SRD5A1: variants seen among roughly 807,000 people sequenced by gnomAD.
The protein encoded by SRD5A1 is steroid 5 alpha-reductase 1, also known as 3-oxo-5-alpha-steroid 4-dehydrogenase 1.
A neutral mutation model predicts 28.2 loss-of-function variants in SRD5A1; 22 were observed. The ratio of observed to expected loss-of-function variants is 0.78; its 90% CI spans 0.56 to 1.12. The LOEUF (loss-of-function observed/expected upper bound fraction) is 1.12, where lower values mean the gene tolerates loss of function less well. SRD5A1 is among the 50% of genes most tolerant of loss of function. The probability of loss-of-function intolerance (pLI) is 0.00; values close to 1 mark genes in which losing one functional copy is unlikely to be tolerated. For missense variants in SRD5A1, 300 were observed against 346.7 expected, an observed-to-expected ratio of 0.87 and a Z score of 1.07; for synonymous variants, 151 against 135.0, an observed-to-expected ratio of 1.12 and a Z score of -0.82.
intron 1 of SRD5A1, among the ~76,000 whole-genome samples, chr5:6,635,631 C>T (rs1738161624): frequency 6.6e-6 from 1 of 152,230 alleles, no homozygotes; most frequent in Admixed American, 6.5e-5. Flanking sequence ...CATCTGCGTG[C>T]TCAGTACACA....
intron 3 of SRD5A1, among the ~76,000 whole-genome samples, chr5:6,661,944 C>G (rs1344822570): frequency 6.6e-6 from 1 of 152,196 alleles, no homozygotes; most frequent in East Asian, 1.9e-4. Context: ...CCTCTCTAAA[C>G]ACACTTGAGT....
At chr5:6,662,600 C>T (rs887193963) in intron 3 of SRD5A1, among the ~76,000 whole-genome samples, 1 of 152,134 alleles carries the variant, frequency 6.6e-6, no homozygotes, top group African/African-American at 2.4e-5. Flanking sequence ...TTCACATAGA[C>T]AGGTATTGAT....
intron 2 of SRD5A1, among the ~76,000 whole-genome samples, chr5:6,652,702 G>C (rs1738713898): frequency 6.6e-6 from 1 of 151,712 alleles, no homozygotes. Flanking sequence ...CGAAACTCCA[G>C]CTCTACAAAA....
At chr5:6,659,268 C>T (rs1451996640) in intron 3 of SRD5A1, among the ~76,000 whole-genome samples, 2 of 151,992 alleles carry the variant, frequency 1.3e-5, no homozygotes, top group African/African-American at 2.4e-5. Flanking sequence ...CGCCCGCCAC[C>T]ACGCCTGGCT....
At chr5:6,635,023 T>G (rs1477282732) in intron 1 of SRD5A1, among the ~76,000 whole-genome samples, 1 of 152,222 alleles carries the variant, frequency 6.6e-6, no homozygotes, top group Non-Finnish European at 1.5e-5. Context: ...AAACACTCAC[T>G]TCCCAGAGAG....
chr5:6,654,582 G>T lies in SRD5A1; in HGVS notation c.461-1496G>T, dbSNP rs1054136990. Among the ~76,000 whole-genome samples, 3 of 152,080 alleles carry T rather than the reference G, an allele frequency of 2.0e-5. No individual in the cohort carries two copies. The South Asian group carries it at 6.2e-4, about 32-fold the overall frequency. On this transcript the variant is annotated intron_variant, in intron 2 of 4. Transcript: ENST00000274192. ...AGAGTAGCTGGGATTACAGGCTTGC[G>T]CCATCTTACCTGGTTAATTTTTGTA...
intron 3 of SRD5A1, among the ~76,000 whole-genome samples, chr5:6,661,824 C>T (rs1395597839): frequency 2.0e-5 from 3 of 152,110 alleles, no homozygotes; most frequent in African/African-American, 4.8e-5. Context: ...TGAGCCACTG[C>T]GCCCAGCCTA....
At chr5:6,666,185 T>G (rs1230554049) in intron 4 of SRD5A1, among the ~76,000 whole-genome samples, 2 of 152,142 alleles carry the variant, frequency 1.3e-5, no homozygotes, top group Non-Finnish European at 1.5e-5. Flanking sequence ...TCTCGCTCTG[T>G]CGCCCAGGCT....
chr5:6,655,955 T>C (rs1738818485), intron 2 of SRD5A1, 123 bp from the exon 3 acceptor site: 4 of 710,754 alleles, frequency 5.6e-6, no homozygotes, highest in Non-Finnish European at 7.3e-6. Context: ...CAGTTATGGC[T>C]AATATGTTAC....
chr5:6,649,638 A>G (rs1197225485), intron 1 of SRD5A1, among the ~76,000 whole-genome samples: 1 of 152,174 alleles, frequency 6.6e-6, no homozygotes, highest in Non-Finnish European at 1.5e-5. Context: ...GCCAGAATGC[A>G]CCGTTCCTCC....
intron 1 of SRD5A1, among the ~76,000 whole-genome samples, chr5:6,637,074 T>A (rs138524001): frequency 1.7e-3 from 259 of 152,212 alleles, no homozygotes; most frequent in African/African-American, 5.9e-3. Context: ...CTCCTTCTGA[T>A]CCCAGGGCGC....
At chr5:6,653,725 T>C (rs1005087864) in intron 2 of SRD5A1, among the ~76,000 whole-genome samples, 1 of 152,210 alleles carries the variant, frequency 6.6e-6, no homozygotes, top group Non-Finnish European at 1.5e-5. Context: ...GAGAGTCTCA[T>C]GGGACTCACC....
At chr5:6,668,114 T>A in intron 4 of SRD5A1, 88 bp from the exon 5 acceptor site, 1 of 856,650 alleles carries the variant, frequency 1.2e-6, no homozygotes, top group Non-Finnish European at 1.8e-6. Context: ...GAGTACTCTT[T>A]TGTAATGAAA....
intron 1 of SRD5A1, among the ~76,000 whole-genome samples, chr5:6,634,526 G>A (rs1579389892): frequency 6.6e-6 from 1 of 152,078 alleles, no homozygotes; most frequent in African/African-American, 2.4e-5. Flanking sequence ...TTTGGTGATG[G>A]TGGAGCTGTT....
chr5:6,660,355 G>A (rs1001867430), intron 3 of SRD5A1, among the ~76,000 whole-genome samples: 7 of 152,314 alleles, frequency 4.6e-5, no homozygotes, highest in Middle Eastern at 3.4e-3. Context: ...CTGAGCAGGC[G>A]GCATGCAGGA....
chr5:6,654,426 A>AG (rs1738775914), intron 2 of SRD5A1, among the ~76,000 whole-genome samples: 1 of 136,920 alleles, frequency 7.3e-6, no homozygotes, highest in Admixed American at 7.4e-5. Context: ...AAAGATTTTA[A>AG]GTTTTTTTTT....
In SRD5A1 at chr5:6,669,498, G is replaced by A. The variant is rs1403990578; in HGVS notation, c.*1230G>A. 1 of 152,088 alleles carries A rather than the reference G, an allele frequency of 6.6e-6. No individual in the cohort carries two copies. Among genetic ancestry groups the A allele is most frequent in the East Asian group, 1.9e-4 (1 of 5,194 alleles). 9.4% of individuals were successfully genotyped at this position (152,088 alleles called of 1,614,324 possible). On this transcript the variant is annotated 3_prime_UTR_variant, in exon 5 of 5. Transcript: ENST00000274192. ...TTGCTTTGCCTTATCATCTCATCTGGAGTTTTTAAATGCCATTTGTTTCAG... is the reference window on the plus strand; with the variant it reads ...TTGCTTTGCCTTATCATCTCATCTGAAGTTTTTAAATGCCATTTGTTTCAG...
intron 4 of SRD5A1, among the ~76,000 whole-genome samples, chr5:6,666,246 C>G (rs1739171213): frequency 1.3e-5 from 2 of 152,020 alleles, no homozygotes; most frequent in Admixed American, 6.5e-5. Flanking sequence ...CTCCCAGGTT[C>G]ACGCCATTCT....
intron 1 of SRD5A1, among the ~76,000 whole-genome samples, chr5:6,646,937 A>G (rs572645947): frequency 6.6e-6 from 1 of 152,290 alleles, no homozygotes; most frequent in East Asian, 1.9e-4. Flanking sequence ...CCCTCTACAC[A>G]CTGCTTTAAA....
Sources: allele counts gnomAD v4.1 joint callset (sites outside exome capture counted in the v4.1 genomes callset), GRCh38; gene constraint gnomAD v4.1.1; transcripts MANE v1.5; gene names NCBI Gene and HGNC (gene_info 2026-07-23, HGNC 2026-07-21).